TGS1: variants seen among roughly 807,000 people sequenced by gnomAD.
The protein encoded by TGS1 is trimethylguanosine synthase.
Under a neutral mutation model 92.2 loss-of-function variants are expected in TGS1, and 69 were observed. The observed-to-expected ratio is 0.75, with a 90% confidence interval of 0.62 to 0.91. The LOEUF (loss-of-function observed/expected upper bound fraction) is 0.91. TGS1 is among the 40% of genes least tolerant of loss of function. The pLI, the probability that TGS1 is intolerant of heterozygous loss-of-function variation, is 0.00. For synonymous variants in TGS1, 345 were observed against 338.1 expected, an observed-to-expected ratio of 1.02 and a Z score of -0.22; for missense variants, 1,062 against 1,001.2, an observed-to-expected ratio of 1.06 and a Z score of -0.82.
Position 55,811,043 on chromosome 8 carries a change from C to T in TGS1, c.2306C>T (p.Pro769Leu), listed in dbSNP as rs1346977057. 1 of 1,614,156 alleles carries T rather than the reference C, an allele frequency of 6.2e-7. No homozygotes were observed. Among genetic ancestry groups the T allele is most frequent in the Admixed American group, 1.7e-5 (1 of 60,014 alleles). The part of the protein sequence containing the change: ...VVFLSPPWGG[P>L]DYATAETFDI... ...TTCCTCAGCCCACCTTGGGGAGGGC[C>T]AGACTATGCCACTGCAGAGACCTTT... The change falls in exon 11 of 13, where the codon CCA becomes CTA. Residue 769 changes from proline to leucine, a missense_variant. Coordinates refer to ENST00000260129, the MANE Select transcript of TGS1 (RefSeq NM_024831.8).
intron 10 of TGS1, among the ~76,000 whole-genome samples, chr8:55,805,448 A>G (rs909613945): frequency 6.6e-6 from 1 of 152,250 alleles, no homozygotes; most frequent in Non-Finnish European, 1.5e-5. Flanking sequence ...ATTTACTACC[A>G]TAAAATATGC....
chr8:55,816,526 C>A (rs1024462294), intron 12 of TGS1, among the ~76,000 whole-genome samples: 1 of 152,084 alleles, frequency 6.6e-6, no homozygotes, highest in East Asian at 1.9e-4. Context: ...AAAGCAATAG[C>A]GTTTGTACTT....
Position 55,799,031 on chromosome 8 carries a change from A to G in TGS1, c.1660A>G (p.Met554Val), listed in dbSNP as rs1481600311. ...STSSDSEEQD[M>V]SVKKGDDLLE... ...AAGTAGTGATTCAGAGGAACAAGAC[A>G]TGTCTGTTAAAAAAGGTGATGACCT... is the stretch of plus-strand genomic sequence containing the variant. The change falls in exon 8 of 13, where the codon ATG becomes GTG. Residue 554 changes from methionine to valine, a missense_variant. Transcript: ENST00000260129. The G allele has an allele frequency of 3.7e-6, 6 of 1,614,106 alleles. No homozygotes were observed. In the East Asian group the frequency reaches 8.9e-5, roughly 24 times the overall value.
At chr8:55,805,077 T>A in intron 10 of TGS1, 41 bp downstream of exon 10, 1 of 1,582,298 alleles carries the variant, frequency 6.3e-7, no homozygotes, top group Non-Finnish European at 8.6e-7. Context: ...TTATGTCCAG[T>A]TAATTCAGTA....
In TGS1 at chr8:55,786,627, A is replaced by G. The variant is rs1811721338; in HGVS notation, c.729A>G (p.Gln243=). 6.2e-7 allele frequency: 1 copy of G among 1,614,058 alleles called. No individual in the cohort carries two copies. The highest frequency in any genetic ancestry group is 1.3e-5 in the African/African-American group (1 of 74,920). ...TKEEWEQHYS[Q]LYWYYLEQFQ... is the part of the protein sequence containing the mutation. ...AAGAATGGGAGCAACATTATAGTCA[A>G]CTTTATTGGTATTATTTGGAACAAT... The change falls in exon 4 of 13, where the codon CAA becomes CAG. Residue 243 remains glutamine, a synonymous_variant. Transcript: ENST00000260129.
rs898636950 is a variant in TGS1 at position 55,773,452 on chromosome 8, G to A, written c.-167G>A. 1 of 510,106 alleles carries A rather than the reference G, an allele frequency of 2.0e-6. No homozygotes were observed. The highest frequency in any genetic ancestry group is 3.4e-6 in the Non-Finnish European group (1 of 294,498). 31.6% of individuals were successfully genotyped at this position (510,106 alleles called of 1,614,324 possible). On this transcript the variant is annotated 5_prime_UTR_variant, in exon 1 of 13. Transcript: ENST00000260129. Reference sequence around the variant, plus strand: ...CCCGTGGCCCCTCGGAGCCACTTCCGGCGGCAGCGTCCGGGCTAGTTCCCG... The same window carrying A: ...CCCGTGGCCCCTCGGAGCCACTTCCAGCGGCAGCGTCCGGGCTAGTTCCCG...
At position 55,802,585 on chromosome 8, in the gene TGS1, G is replaced by C. The variant is rs1563462238; in HGVS notation, c.1978G>C (p.Asp660His). The C allele has an allele frequency of 6.2e-7, 1 of 1,613,390 alleles. No homozygotes were observed. Among genetic ancestry groups the C allele is most frequent in the Non-Finnish European group, 8.5e-7 (1 of 1,179,788 alleles). Residue 660 changes from aspartate to histidine, a missense_variant, in exon 9 of 13, where the codon GAT becomes CAT. By Grantham distance (81) the Asp-to-His change is moderately conservative. Transcript: ENST00000260129. ...QRYRLFSRFD[D>H]GIKLDREGWF... ...GTACAGGCTCTTCTCCCGTTTTGAT[G>C]ATGGGATTAAGTTGGACAGAGGTAA...
At chr8:55,790,113 G>A (rs1811832960) in intron 4 of TGS1, 69 bp from the exon 5 acceptor site, 1 of 1,110,540 alleles carries the variant, frequency 9.0e-7, no homozygotes, top group Admixed American at 1.8e-5. Context: ...ATTTTCATTG[G>A]CTTTGCAAAT....
chr8:55,812,951 A>G (rs890958467), intron 11 of TGS1, 89 bp from the exon 12 acceptor site: 2 of 978,398 alleles, frequency 2.0e-6, no homozygotes, highest in African/African-American at 1.6e-5. Flanking sequence ...ACATTTTGAA[A>G]TACATTTGAG....
chr8:55,821,314 G>T (rs1045290728), intron 12 of TGS1, among the ~76,000 whole-genome samples: 1 of 152,122 alleles, frequency 6.6e-6, no homozygotes, highest in Non-Finnish European at 1.5e-5. Context: ...GGGATTTCTT[G>T]TTTGTTTTTT....
At position 55,786,657 on chromosome 8, in the gene TGS1, G is replaced by C. The variant is rs182048181; in HGVS notation, c.759G>C (p.Gln253His). The C allele has an allele frequency of 5.9e-5, 96 of 1,614,164 alleles. 1 individual carries two copies. The East Asian group carries it at 1.8e-3, about 30-fold the overall frequency. The change falls in exon 4 of 13, where the codon CAG (glutamine) becomes CAC (histidine). Residue 253 changes from glutamine to histidine, a missense_variant. By Grantham distance (24) the Gln-to-His change is conservative (BLOSUM62 0). Transcript: ENST00000260129. ...ATTGGTATTATTTGGAACAATTTCA[G>C]TATTGGGAAGCTCAGGGTTGGACTT... ...QLYWYYLEQF[Q>H]YWEAQGWTFD...
chr8:55,780,049 G>A (rs931061357), intron 1 of TGS1, among the ~76,000 whole-genome samples: 1 of 150,550 alleles, frequency 6.6e-6, no homozygotes, highest in Non-Finnish European at 1.5e-5. Flanking sequence ...TAGAGACAGG[G>A]TTTCACCATG....
rs559837174 is a variant in TGS1, at chr8:55,807,118, C to G, written c.2143+2082C>G. Among the ~76,000 whole-genome samples, 4 of 151,956 alleles carry G rather than the reference C, an allele frequency of 2.6e-5. No individual in the cohort carries two copies. In the South Asian group the frequency reaches 8.3e-4, roughly 32 times the overall value. Reference sequence around the variant, plus strand: ...TAATTTTTTGTATTTTTAGTAGAAACAGGGTTTCACCATGTTAGCCAGGAT... The same window carrying G: ...TAATTTTTTGTATTTTTAGTAGAAAGAGGGTTTCACCATGTTAGCCAGGAT... On this transcript the variant is annotated intron_variant, in intron 10 of 12. Transcript: ENST00000260129.
Position 55,824,652 on chromosome 8 carries a change from A to C in TGS1, c.2511A>C (p.Thr837=), listed in dbSNP as rs766569846. ...EQNFLNNKLK[T]ITAYFGDLIR... ...ACTTCCTTAACAACAAATTGAAGACAATCACTGCATATTTTGGTGACCTAA... is the reference window on the plus strand; with the variant it reads ...ACTTCCTTAACAACAAATTGAAGACCATCACTGCATATTTTGGTGACCTAA... Residue 837 remains threonine (T), a synonymous_variant, in exon 13 of 13, where the codon ACA becomes ACC. Transcript: ENST00000260129. The C allele has an allele frequency of 1.2e-6, 2 of 1,614,230 alleles. No individual in the cohort carries two copies. The highest frequency in any genetic ancestry group is 2.2e-5 in the East Asian group (1 of 44,882).
At chr8:55,806,186 T>C (rs1812365236) in intron 10 of TGS1, among the ~76,000 whole-genome samples, 1 of 146,036 alleles carries the variant, frequency 6.8e-6, no homozygotes, top group Non-Finnish European at 1.5e-5. Flanking sequence ...AGAGACCCCG[T>C]CTCTCCTAAA....
chr8:55,786,916 A>T lies in TGS1; in HGVS notation c.1018A>T (p.Thr340Ser). Residue 340 changes from threonine to serine, a missense_variant, in exon 4 of 13, where the codon ACA (threonine) becomes TCA (serine). Physicochemically the swap from Thr to Ser is moderately conservative, Grantham distance 58 (BLOSUM62 1). Coordinates refer to ENST00000260129, the MANE Select transcript of TGS1 (RefSeq NM_024831.8). ...EVTQSQLDSCTSHDGHQQLSE... is the reference protein window; with the variant it reads ...EVTQSQLDSCSSHDGHQQLSE... ...AACACAGAGCCAATTAGATTCCTGT[A>T]CAAGTCATGATGGTCATCAACAGCT... The T allele has an allele frequency of 1.2e-6, 2 of 1,614,186 alleles. No homozygotes were observed. Among genetic ancestry groups the T allele is most frequent in the Non-Finnish European group, 1.7e-6 (2 of 1,180,020 alleles).
intron 12 of TGS1, among the ~76,000 whole-genome samples, chr8:55,815,600 T>C (rs1022359338): frequency 1.3e-5 from 2 of 152,224 alleles, no homozygotes; most frequent in Admixed American, 6.5e-5. Context: ...GGACAGTTAA[T>C]TTCCCATCCA....
intron 10 of TGS1, among the ~76,000 whole-genome samples, chr8:55,806,696 G>A (rs1264134210): frequency 6.6e-6 from 1 of 152,016 alleles, no homozygotes; most frequent in Non-Finnish European, 1.5e-5. Flanking sequence ...ACAATCTTGT[G>A]AATTATGTCT....
chr8:55,810,976 G>T lies in TGS1; in HGVS notation c.2239G>T (p.Asp747Tyr). Residue 747 changes from aspartate to tyrosine, a missense_variant, in exon 11 of 13, where the codon GAT becomes TAT. By Grantham distance (160) the Asp-to-Tyr change is radical (BLOSUM62 -3). Transcript: ENST00000260129. ...AGATAAGATAGAGTTCATCTGTGGA[G>T]ATTTCTTGCTGCTGGCTTCTTTTTT... The part of the protein sequence containing the change: ...IADKIEFICG[D>Y]FLLLASFLKA... 1.9e-6 allele frequency: 3 copies of T among 1,614,180 alleles called. No homozygotes were observed. The highest frequency in any genetic ancestry group is 2.5e-6 in the Non-Finnish European group (3 of 1,180,020).
Sources: allele counts gnomAD v4.1 joint callset (sites outside exome capture counted in the v4.1 genomes callset), GRCh38; gene constraint gnomAD v4.1.1; transcripts MANE v1.5; gene names NCBI Gene and HGNC (gene_info 2026-07-23, HGNC 2026-07-21).